Variants in EXOC4 observed in about 807,000 individuals in gnomAD.
EXOC4 encodes SEC8-like 1.
A neutral mutation model predicts 107.2 loss-of-function variants in EXOC4; 71 were observed. The ratio of observed to expected loss-of-function variants is 0.66; its 90% CI spans 0.55 to 0.81. EXOC4 has a LOEUF of 0.81. Among genes scored for constraint, EXOC4 ranks in the 30% least tolerant of loss-of-function variants. EXOC4 has a pLI of 0.00. For missense variants in EXOC4, 1,108 were observed against 1,189.6 expected (o/e 0.93, Z 1.01); for synonymous variants, 456 against 441.2 (o/e 1.03, Z -0.42).
At chr7:133,343,255 G>T (rs1199891108) in intron 5 of EXOC4, among the ~76,000 whole-genome samples, 1 of 152,074 alleles carries the variant, frequency 6.6e-6, no homozygotes. Context: ...TATGGTTGGG[G>T]CTTCCTGAGA....
intron 7 of EXOC4, among the ~76,000 whole-genome samples, chr7:133,417,401 C>T (rs891775958): frequency 1.3e-5 from 2 of 152,074 alleles, no homozygotes; most frequent in Admixed American, 6.6e-5. Flanking sequence ...GGTCTGACTG[C>T]GTGTCAACTG....
intron 11 of EXOC4, among the ~76,000 whole-genome samples, chr7:133,866,137 G>C (rs189815342): frequency 5.3e-5 from 8 of 152,246 alleles, no homozygotes; most frequent in Middle Eastern, 6.8e-3. Context: ...TGAGTAACAT[G>C]CTTTTCATAT....
intron 10 of EXOC4, among the ~76,000 whole-genome samples, chr7:133,761,446 G>T (rs542876069): frequency 6.6e-6 from 1 of 152,252 alleles, no homozygotes; most frequent in South Asian, 2.1e-4. Context: ...ATGGAAAAGA[G>T]TCAATCTATA....
chr7:133,936,494 C>T (rs1240240235), intron 13 of EXOC4, among the ~76,000 whole-genome samples: 1 of 152,188 alleles, frequency 6.6e-6, no homozygotes, highest in African/African-American at 2.4e-5. Context: ...CTTGCTTCTT[C>T]TCAGGTAAGG....
intron 14 of EXOC4, among the ~76,000 whole-genome samples, chr7:133,978,901 C>T (rs1275791023): frequency 2.0e-5 from 3 of 152,166 alleles, no homozygotes; most frequent in Non-Finnish European, 4.4e-5. Context: ...TGTAGATGTT[C>T]CTATGCTTCC....
intron 10 of EXOC4, among the ~76,000 whole-genome samples, chr7:133,648,443 T>C (rs28404340): frequency 8.1e-4 from 123 of 152,328 alleles, no homozygotes; most frequent in African/African-American, 2.8e-3. Flanking sequence ...TCATCTTTTT[T>C]CCATGAGATA....
intron 17 of EXOC4, among the ~76,000 whole-genome samples, chr7:134,052,251 G>C (rs2116586679): frequency 6.6e-6 from 1 of 152,242 alleles, no homozygotes; most frequent in Admixed American, 6.5e-5. Flanking sequence ...TTTGGGGTTT[G>C]TTTCTTGATT....
chr7:133,832,657 A>T (rs1421989710), intron 11 of EXOC4, among the ~76,000 whole-genome samples: 1 of 152,228 alleles, frequency 6.6e-6, no homozygotes, highest in Non-Finnish European at 1.5e-5. Context: ...TCATTGAATA[A>T]TATTCCATTG....
At chr7:134,052,564 A>G (rs923292282) in intron 17 of EXOC4, among the ~76,000 whole-genome samples, 37 of 152,152 alleles carry the variant, frequency 2.4e-4, no homozygotes, top group African/African-American at 8.7e-4. Flanking sequence ...TACATGAACA[A>G]TGGCCAATAC....
rs200269961 is a variant in EXOC4 at position 133,388,012 on chromosome 7, A to AC, written c.1182+13010_1182+13011insC. Among the ~76,000 whole-genome samples, 44 of 151,008 alleles carry AC rather than the reference A, an allele frequency of 2.9e-4. No homozygotes were observed. The East Asian group carries it at 8.2e-3, about 28-fold the overall frequency. ...TTCTTAGAACATGTTACCAAAAACA[A>AC]AAAAAAAAGATTGAATACTTTTGGA... is the stretch of plus-strand genomic sequence containing the variant. On this transcript the variant is annotated intron_variant, in intron 7 of 17. Transcript: ENST00000253861.
At chr7:133,295,083 T>C (rs1563006465) in intron 3 of EXOC4, among the ~76,000 whole-genome samples, 1 of 152,104 alleles carries the variant, frequency 6.6e-6, no homozygotes, top group Non-Finnish European at 1.5e-5. Flanking sequence ...TTTACTGATA[T>C]TGTAGGAAAT....
the EXOC4 span, among the ~76,000 whole-genome samples, chr7:134,092,880 G>A: frequency 8.3e-4 from 117 of 141,114 alleles, no homozygotes; most frequent in Middle Eastern, 8.3e-3. Flanking sequence ...CCAAGATCAC[G>A]CCATTTTACT....
At chr7:133,779,036 G>A (rs796780960) in intron 10 of EXOC4, among the ~76,000 whole-genome samples, 2 of 152,326 alleles carry the variant, frequency 1.3e-5, no homozygotes, top group African/African-American at 4.8e-5. Context: ...GAAGATTTGA[G>A]ATAATGGAGG....
intron 7 of EXOC4, among the ~76,000 whole-genome samples, chr7:133,381,361 T>G (rs1796615443): frequency 6.6e-6 from 1 of 152,060 alleles, no homozygotes; most frequent in Admixed American, 6.6e-5. Flanking sequence ...GTAGATGTAA[T>G]ATGTAATGTT....
intron 10 of EXOC4, among the ~76,000 whole-genome samples, chr7:133,774,704 C>T (rs1796310663): frequency 1.3e-5 from 2 of 152,008 alleles, no homozygotes; most frequent in African/African-American, 2.4e-5. Context: ...AACTTATGGA[C>T]ATTAGTTCTG....
At chr7:133,859,822 A>C (rs1239701754) in intron 11 of EXOC4, among the ~76,000 whole-genome samples, 1 of 152,208 alleles carries the variant, frequency 6.6e-6, no homozygotes, top group African/African-American at 2.4e-5. Context: ...TGAAGATAAA[A>C]TAAGATGCTG....
chr7:134,096,955 C>G, the EXOC4 span, among the ~76,000 whole-genome samples: 1 of 152,040 alleles, frequency 6.6e-6, no homozygotes, highest in Non-Finnish European at 1.5e-5. Flanking sequence ...CATCACAACT[C>G]TGTTTTCAAG....
chr7:133,338,729 C>G (rs555265670), intron 5 of EXOC4, among the ~76,000 whole-genome samples: 1 of 148,094 alleles, frequency 6.8e-6, no homozygotes, highest in African/African-American at 2.5e-5. Flanking sequence ...GCAGTGTACA[C>G]GGTACCCAAT....
chr7:133,548,302 G>A (rs1443071171), intron 9 of EXOC4, among the ~76,000 whole-genome samples: 1 of 152,098 alleles, frequency 6.6e-6, no homozygotes, highest in Non-Finnish European at 1.5e-5. Context: ...TAGAGAACAA[G>A]CAGAGTAGAT....
Sources: gnomAD v4.1 joint callset for allele counts (sites outside exome capture counted in the v4.1 genomes callset) on GRCh38, gnomAD v4.1.1 for gene constraint, MANE v1.5 for transcripts, NCBI Gene and HGNC (gene_info 2026-07-23, HGNC 2026-07-21) for gene names.